SFI1: variants seen among roughly 807,000 people sequenced by gnomAD.
The protein encoded by SFI1 is protein SFI1 homolog.
In SFI1, 195 loss-of-function variants were observed where a neutral mutation model predicts 207.5. The observed-to-expected ratio is 0.94, with a 90% confidence interval of 0.84 to 1.06. The LOEUF (loss-of-function observed/expected upper bound fraction) is 1.06. SFI1 is among the 50% of genes least tolerant of loss of function. SFI1 has a pLI of 0.00. For missense variants in SFI1, 1,634 were observed against 1,588.0 expected (o/e 1.03, Z -0.49); for synonymous variants, 630 against 598.9 (o/e 1.05, Z -0.76).
chr22:31,612,395 AAAAATATATAT>A (rs1295496304), intron 24 of SFI1: 2 of 110,066 alleles, frequency 1.8e-5, no homozygotes, highest in African/African-American at 7.4e-5. Flanking sequence ...AAAAAAAAAA[AAAAATATATAT>A]ATATATATAT....
chr22:31,572,826 A>C lies in SFI1; in HGVS notation c.766-232A>C, dbSNP rs78621438. On this transcript the variant is annotated intron_variant, in intron 8 of 32. Transcript: ENST00000400288. Reference sequence around the variant, plus strand: ...CATCTGCTTTCTGCTTGTTGATTTTATTCTTCTTTTTTTTAATCCAGGAAA... The same window carrying C: ...CATCTGCTTTCTGCTTGTTGATTTTCTTCTTCTTTTTTTTAATCCAGGAAA... 9.7e-3 allele frequency: 3,754 copies of C among 387,244 alleles called. 27 individuals carry two copies. Among genetic ancestry groups the C allele is most frequent in the Non-Finnish European group, 0.014 (2,998 of 213,728 alleles). 24.0% of individuals were successfully genotyped at this position (387,244 alleles called of 1,614,324 possible).
chr22:31,578,058 G>C (rs1440221955), intron 10 of SFI1: 1 of 182,036 alleles, frequency 5.5e-6, no homozygotes, highest in Non-Finnish European at 1.1e-5. Flanking sequence ...AGAGACTATA[G>C]AAAAAGGAGC....
chr22:31,540,518 GA>G (rs928524206), intron 4 of SFI1, among the ~76,000 whole-genome samples: 57 of 151,288 alleles, frequency 3.8e-4, no homozygotes, highest in African/African-American at 1.3e-3. Context: ...CTGACCTTGT[GA>G]TCCACCCACC....
chr22:31,597,727 T>G (rs1484345174), intron 15 of SFI1, among the ~76,000 whole-genome samples: 2 of 152,224 alleles, frequency 1.3e-5, no homozygotes, highest in African/African-American at 4.8e-5. Flanking sequence ...GAGGATTGGT[T>G]TGGAGTTTAG....
chr22:31,576,523 G>T (rs1283833920), intron 10 of SFI1, among the ~76,000 whole-genome samples: 1 of 151,972 alleles, frequency 6.6e-6, no homozygotes. Context: ...GTTTCTCCAT[G>T]TTGGCCAGGC....
chr22:31,528,639 A>AT, intron 2 of SFI1, 51 bp from the exon 3 acceptor site: 4 of 1,527,522 alleles, frequency 2.6e-6, no homozygotes, highest in Non-Finnish European at 3.6e-6. Flanking sequence ...TTTGCATCAC[A>AT]TGCAGAGATA....
chr22:31,591,842 T>G (rs2066004959), intron 15 of SFI1, among the ~76,000 whole-genome samples: 1 of 67,436 alleles, frequency 1.5e-5, no homozygotes, highest in African/African-American at 8.7e-5. Flanking sequence ...CACTTCCCAG[T>G]AGGGGCGGCC....
intron 5 of SFI1, 56 bp downstream of exon 5, chr22:31,547,027 A>T: frequency 1.6e-6 from 2 of 1,283,774 alleles, no homozygotes; most frequent in South Asian, 2.7e-5. Context: ...TCAGATGATT[A>T]TTTGTTGGCG....
chr22:31,503,954 C>T (rs1410531020), intron 1 of SFI1, among the ~76,000 whole-genome samples: 1 of 152,036 alleles, frequency 6.6e-6, no homozygotes, highest in Non-Finnish European at 1.5e-5. Flanking sequence ...TATATTCATA[C>T]ATGTCCTTAT....
At chr22:31,505,016 T>G (rs1422537030) in intron 1 of SFI1, among the ~76,000 whole-genome samples, 1 of 152,148 alleles carries the variant, frequency 6.6e-6, no homozygotes, top group East Asian at 1.9e-4. Flanking sequence ...GGGAACACAA[T>G]TCAACCCACA....
At chr22:31,602,871 T>A in intron 17 of SFI1, 86 bp downstream of exon 17, 1 of 1,412,272 alleles carries the variant, frequency 7.1e-7, no homozygotes, top group South Asian at 1.3e-5. Context: ...CAAGTGCCTG[T>A]CTGGAGGACT....
intron 15 of SFI1, among the ~76,000 whole-genome samples, chr22:31,600,446 C>T (rs760106744): frequency 2.6e-5 from 4 of 152,188 alleles, no homozygotes; most frequent in Admixed American, 6.5e-5. Flanking sequence ...GCCAGAGCTC[C>T]GTCTTTCAAC....
intron 12 of SFI1, among the ~76,000 whole-genome samples, chr22:31,582,114 T>G (rs558294086): frequency 6.7e-6 from 1 of 148,180 alleles, no homozygotes; most frequent in Non-Finnish European, 1.5e-5. Flanking sequence ...CTTTTCTGAT[T>G]GATTTTTAGC....
intron 1 of SFI1, among the ~76,000 whole-genome samples, chr22:31,507,991 G>A (rs931944978): frequency 2.0e-5 from 3 of 152,050 alleles, no homozygotes; most frequent in South Asian, 2.1e-4. Flanking sequence ...CAGGAGAATC[G>A]CTTGAGCCCA....
intron 5 of SFI1, among the ~76,000 whole-genome samples, chr22:31,550,002 G>A (rs2060478625): frequency 6.6e-6 from 1 of 151,976 alleles, no homozygotes; most frequent in East Asian, 1.9e-4. Flanking sequence ...TGCGATCTCG[G>A]CTCACTGCAA....
chr22:31,597,506 T>C (rs1228560595), intron 15 of SFI1, among the ~76,000 whole-genome samples: 1 of 152,194 alleles, frequency 6.6e-6, no homozygotes, highest in Non-Finnish European at 1.5e-5. Context: ...TCTGTGACCC[T>C]GGACAAGTCA....
chr22:31,585,602 T>C (rs2064931867), intron 14 of SFI1, among the ~76,000 whole-genome samples: 1 of 152,166 alleles, frequency 6.6e-6, no homozygotes, highest in African/African-American at 2.4e-5. Flanking sequence ...ATTTAAGAAA[T>C]ACTTATTGAG....
chr22:31,530,640 G>A, intron 3 of SFI1: 2 of 471,548 alleles, frequency 4.2e-6, no homozygotes, highest in Non-Finnish European at 8.8e-6. Flanking sequence ...GCTGATCTCT[G>A]TGATATGGTG....
intron 8 of SFI1, among the ~76,000 whole-genome samples, chr22:31,565,968 CCTAT>C (rs2062254483): frequency 6.6e-6 from 1 of 151,892 alleles, no homozygotes; most frequent in Non-Finnish European, 1.5e-5. Flanking sequence ...CATGCCTGGC[CCTAT>C]CTATGTGGAT....
Sources: gnomAD v4.1 joint callset for allele counts (sites outside exome capture counted in the v4.1 genomes callset) on GRCh38, gnomAD v4.1.1 for gene constraint, MANE v1.5 for transcripts, NCBI Gene and HGNC (gene_info 2026-07-23, HGNC 2026-07-21) for gene names.